The following IRAK1BP1 variants were observed in gnomAD, a reference collection of about 807,000 sequenced individuals.
IRAK1BP1 encodes the protein interleukin 1 receptor associated kinase 1 binding protein 1, also known as interleukin-1 receptor-associated kinase 1-binding protein 1.
Under a neutral mutation model 28.0 loss-of-function variants are expected in IRAK1BP1, and 24 were observed. The ratio of observed to expected loss-of-function variants is 0.86; its 90% CI spans 0.62 to 1.20. The LOEUF is 1.20. Among genes scored for constraint, IRAK1BP1 ranks in the 50% most tolerant of loss-of-function variants. The pLI is 0.00. For synonymous variants in IRAK1BP1, 131 were observed against 116.3 expected (o/e 1.13, Z -0.81); for missense variants, 336 against 316.7 (o/e 1.06, Z -0.46).
Position 78,900,797 on chromosome 6 carries a change from G to A in IRAK1BP1, c.*2463G>A, listed in dbSNP as rs1353019075. 2.6e-5 allele frequency: 4 copies of A among 152,146 alleles called. No individual in the cohort carries two copies. Among genetic ancestry groups the A allele is most frequent in the South Asian group, 2.1e-4 (1 of 4,832 alleles). The allele number at this position is 152,146 out of a possible 1,614,324, so 9.4% of individuals were successfully genotyped here. Reference sequence around the variant, plus strand: ...TAAGGATTAAAGTTGATAAATATATGATCATGAGAACAATTGCTAGCACAT... The same window carrying A: ...TAAGGATTAAAGTTGATAAATATATAATCATGAGAACAATTGCTAGCACAT... On this transcript the variant is annotated 3_prime_UTR_variant, in exon 4 of 4. Coordinates refer to ENST00000369940, the MANE Select transcript of IRAK1BP1 (RefSeq NM_001010844.4).
intron 2 of IRAK1BP1, among the ~76,000 whole-genome samples, chr6:78,890,549 GAAC>G (rs976430739): frequency 9.9e-5 from 15 of 152,008 alleles, no homozygotes; most frequent in African/African-American, 2.9e-4. Context: ...CCAGCGCAAT[GAAC>G]AACAACAACA....
chr6:78,873,560 C>T (rs894317847), intron 1 of IRAK1BP1, among the ~76,000 whole-genome samples: 1 of 151,984 alleles, frequency 6.6e-6, no homozygotes, highest in African/African-American at 2.4e-5. Context: ...TTCACTGCAG[C>T]CTAAAACTCC....
the IRAK1BP1 span, among the ~76,000 whole-genome samples, chr6:78,979,080 A>T: frequency 1.3e-5 from 2 of 151,956 alleles, no homozygotes; most frequent in Non-Finnish European, 2.9e-5. Context: ...TGCAAATACT[A>T]TATGCCATTT....
chr6:78,937,254 T>G (rs187076523), intron 4 of IRAK1BP1: 84 of 151,852 alleles, frequency 5.5e-4, no homozygotes, highest in Non-Finnish European at 9.8e-4. Context: ...TTGAGAGAGA[T>G]ATACAGTAGG....
At chr6:78,978,808 A>G in the IRAK1BP1 span, 1 of 969,348 alleles carries the variant, frequency 1.0e-6, no homozygotes, top group East Asian at 2.7e-5. Context: ...ATTAAATAAA[A>G]GGGGAAGGGC....
At chr6:78,977,781 T>C in the IRAK1BP1 span, among the ~76,000 whole-genome samples, 1 of 152,204 alleles carries the variant, frequency 6.6e-6, no homozygotes, top group Non-Finnish European at 1.5e-5. Flanking sequence ...GCTCTTCAAG[T>C]CGTATGAGGC....
the IRAK1BP1 span, chr6:78,955,374 TG>T: frequency 1.1e-6 from 1 of 899,550 alleles, no homozygotes; most frequent in Non-Finnish European, 1.8e-6. Context: ...CTTTACACAC[TG>T]GAACACCTGT....
chr6:78,885,226 T>A (rs1771374934), intron 1 of IRAK1BP1, 152 bp from the exon 2 acceptor site: 1 of 501,822 alleles, frequency 2.0e-6, no homozygotes, highest in Non-Finnish European at 3.6e-6. Context: ...TCATTTTATG[T>A]CACTTTTAGG....
Position 78,945,512 on chromosome 6 carries a change from CAAAATTTA to C in IRAK1BP1, c.*179_*186del, listed in dbSNP as rs762655108. On this transcript the variant is annotated 3_prime_UTR_variant and NMD_transcript_variant, in exon 5 of 5. Transcript: ENST00000606868. Reference sequence around the variant, plus strand: ...ATTCTCTAGTACTAAAACATACAAACAAAATTTAAAAATTAAGAGTTATTGAACCTAAA... The same window carrying C: ...ATTCTCTAGTACTAAAACATACAAACAAAATTAAGAGTTATTGAACCTAAA... 7.3e-6 allele frequency: 11 copies of C among 1,504,044 alleles called. No individual in the cohort carries two copies. In the African/African-American group the frequency reaches 1.4e-4, roughly 19 times the overall value. 93.2% of individuals were successfully genotyped at this position (1,504,044 alleles called of 1,614,324 possible).
At chr6:78,940,686 G>C (rs1287342303) in intron 4 of IRAK1BP1, 1 of 1,562,448 alleles carries the variant, frequency 6.4e-7, no homozygotes, top group Non-Finnish European at 8.7e-7. Flanking sequence ...AAATATTTTG[G>C]TACAAGTTAC....
the IRAK1BP1 span, among the ~76,000 whole-genome samples, chr6:78,979,323 A>G: frequency 3.2e-4 from 48 of 152,198 alleles, no homozygotes; most frequent in South Asian, 9.3e-3. Flanking sequence ...AGGTAACAAG[A>G]TATCCCCACA....
At chr6:78,917,632 T>TAAA (rs35313944) in intron 4 of IRAK1BP1, among the ~76,000 whole-genome samples, 152 of 63,666 alleles carry the variant, frequency 2.4e-3, no homozygotes, top group African/African-American at 7.7e-3. Flanking sequence ...AAGTCAACAC[T>TAAA]AAAAAAAAAA....
chr6:78,903,029 A>C lies in IRAK1BP1; in HGVS notation c.*4695A>C. 1 of 1,477,294 alleles carries C rather than the reference A, an allele frequency of 6.8e-7. No homozygotes were observed. Among genetic ancestry groups the C allele is most frequent in the Non-Finnish European group, 9.0e-7 (1 of 1,115,482 alleles). 91.5% of individuals were successfully genotyped at this position (1,477,294 alleles called of 1,614,324 possible). On this transcript the variant is annotated 3_prime_UTR_variant, in exon 4 of 4. Coordinates refer to ENST00000369940, the MANE Select transcript of IRAK1BP1 (RefSeq NM_001010844.4). Reference sequence around the variant, plus strand: ...TCCTTCTTCAACATCCCAACCAACAATTACTCCCAGATAGCCATGTCACCT... The same window carrying C: ...TCCTTCTTCAACATCCCAACCAACACTTACTCCCAGATAGCCATGTCACCT...
intron 2 of IRAK1BP1, among the ~76,000 whole-genome samples, chr6:78,891,141 G>A (rs776806850): frequency 1.2e-4 from 18 of 152,078 alleles, no homozygotes; most frequent in Non-Finnish European, 2.2e-4. Context: ...TTTTGTCAGA[G>A]GGTTTGAAGG....
chr6:78,907,959 C>G (rs1314023342), downstream of IRAK1BP1, among the ~76,000 whole-genome samples: 1 of 151,808 alleles, frequency 6.6e-6, no homozygotes, highest in Non-Finnish European at 1.5e-5. Context: ...ACCTCTTGAT[C>G]CGCCCGCCTC....
intron 4 of IRAK1BP1, among the ~76,000 whole-genome samples, chr6:78,911,848 A>G (rs1231149801): frequency 1.3e-5 from 2 of 152,188 alleles, no homozygotes; most frequent in African/African-American, 2.4e-5. Flanking sequence ...TAATCTGTCA[A>G]TCTACATGGC....
intron 2 of IRAK1BP1, among the ~76,000 whole-genome samples, chr6:78,893,478 A>G (rs1434187821): frequency 6.6e-6 from 1 of 151,882 alleles, no homozygotes; most frequent in Non-Finnish European, 1.5e-5. Flanking sequence ...TTTAAATGAC[A>G]TCATTTAAGC....
At chr6:78,889,093 G>A (rs1314294121) in intron 2 of IRAK1BP1, among the ~76,000 whole-genome samples, 4 of 144,862 alleles carry the variant, frequency 2.8e-5, no homozygotes, top group Non-Finnish European at 4.5e-5. Flanking sequence ...CTGCAGCCTG[G>A]GCAACAGAGT....
chr6:78,971,574 C>T, the IRAK1BP1 span, among the ~76,000 whole-genome samples: 9 of 152,240 alleles, frequency 5.9e-5, no homozygotes, highest in Admixed American at 3.9e-4. Flanking sequence ...CCAGCCTGAA[C>T]GATGCAGAAG....
Sources: allele counts gnomAD v4.1 joint callset (sites outside exome capture counted in the v4.1 genomes callset), GRCh38; gene constraint gnomAD v4.1.1; transcripts MANE v1.5; gene names NCBI Gene and HGNC (gene_info 2026-07-23, HGNC 2026-07-21).